The following MAGI2 variants were observed in gnomAD, a reference collection of about 807,000 sequenced individuals.
The protein encoded by MAGI2 is membrane associated guanylate kinase, WW and PDZ domain containing 2, also known as membrane-associated guanylate kinase, WW and PDZ domain-containing protein 2.
In MAGI2, 35 loss-of-function variants were observed where a neutral mutation model predicts 133.3. The observed-to-expected ratio is 0.26, with a 90% CI of 0.20 to 0.35. The LOEUF (loss-of-function observed/expected upper bound fraction) is 0.35. MAGI2 is among the 10% of genes least tolerant of loss of function. The probability of loss-of-function intolerance (pLI) is 1.00; values close to 1 mark genes in which losing one functional copy is unlikely to be tolerated. For missense variants in MAGI2, 1,636 were observed against 1,863.4 expected (o/e 0.88, Z 2.25); for synonymous variants, 729 against 710.6 (o/e 1.03, Z -0.41).
At chr7:79,214,671 A>C (rs1241819828) in intron 1 of MAGI2, among the ~76,000 whole-genome samples, 1 of 140,304 alleles carries the variant, frequency 7.1e-6, no homozygotes, top group Non-Finnish European at 1.5e-5. Flanking sequence ...ATAATTATGA[A>C]ATATAAATAT....
chr7:78,698,325 C>T (rs1053798643), intron 2 of MAGI2, among the ~76,000 whole-genome samples: 4 of 152,120 alleles, frequency 2.6e-5, no homozygotes, highest in African/African-American at 9.7e-5. Flanking sequence ...CATTATGCCA[C>T]AAGTGGAAAG....
chr7:78,284,440 G>GTTTTC lies in MAGI2; in HGVS notation c.1409-27864_1409-27860dup, dbSNP rs1391128203. ...GGTGTTTGGGCTGAGGAAAGGGGAG[G>GTTTTC]TTTTCTTTTCTTTTTTTTTTTTTTT... On this transcript the variant is annotated intron_variant, in intron 9 of 21. Transcript: ENST00000354212. Among the ~76,000 whole-genome samples, 19 of 129,462 alleles carry GTTTTC rather than the reference G, an allele frequency of 1.5e-4. No individual in the cohort carries two copies. The East Asian group carries it at 4.3e-3, about 30-fold the overall frequency. The allele number at this position is 129,462 out of a possible 152,430, so 84.9% of individuals were successfully genotyped here.
chr7:78,366,339 C>T (rs1413622799), intron 7 of MAGI2, among the ~76,000 whole-genome samples: 3 of 151,652 alleles, frequency 2.0e-5, no homozygotes, highest in Non-Finnish European at 2.9e-5. Flanking sequence ...ATACATATAC[C>T]GAAAATGTGG....
chr7:78,942,058 A>G (rs778599084), intron 2 of MAGI2, among the ~76,000 whole-genome samples: 2 of 152,154 alleles, frequency 1.3e-5, no homozygotes, highest in African/African-American at 2.4e-5. Context: ...GCAGATCAAT[A>G]TACCATATGT....
intron 5 of MAGI2, among the ~76,000 whole-genome samples, chr7:78,493,320 A>AT (rs1410569444): frequency 2.0e-5 from 3 of 152,210 alleles, no homozygotes; most frequent in African/African-American, 7.2e-5. Flanking sequence ...TTCTTCTCAC[A>AT]TAGAACATGC....
chr7:78,592,930 G>A (rs565505892), intron 3 of MAGI2, among the ~76,000 whole-genome samples: 1 of 143,334 alleles, frequency 7.0e-6, no homozygotes, highest in African/African-American at 2.7e-5. Context: ...CACCTCCCGA[G>A]CTCAAGCAAT....
chr7:79,354,664 C>G (rs1451268052), intron 1 of MAGI2, among the ~76,000 whole-genome samples: 1 of 152,182 alleles, frequency 6.6e-6, no homozygotes, highest in Non-Finnish European at 1.5e-5. Flanking sequence ...GAAACTCCCT[C>G]CAAATTCCTT....
chr7:79,408,351 TA>T (rs1458081349), intron 1 of MAGI2, among the ~76,000 whole-genome samples: 1 of 152,022 alleles, frequency 6.6e-6, no homozygotes, highest in East Asian at 1.9e-4. Flanking sequence ...ATAACATCAC[TA>T]AAATATAGGA....
intron 10 of MAGI2, among the ~76,000 whole-genome samples, chr7:78,238,778 T>A (rs868694290): frequency 6.6e-6 from 1 of 152,232 alleles, no homozygotes; most frequent in Middle Eastern, 3.4e-3. Context: ...CACGAGCCTT[T>A]AAAAATGTTA....
chr7:78,605,657 G>C (rs1432070808), intron 3 of MAGI2, among the ~76,000 whole-genome samples: 2 of 152,182 alleles, frequency 1.3e-5, no homozygotes, highest in Non-Finnish European at 2.9e-5. Context: ...AGTCTGTTTG[G>C]AGATGAATGG....
At chr7:78,966,460 C>A (rs538812504) in intron 2 of MAGI2, among the ~76,000 whole-genome samples, 1 of 152,180 alleles carries the variant, frequency 6.6e-6, no homozygotes, top group Non-Finnish European at 1.5e-5. Flanking sequence ...TTTCATTTAG[C>A]ATAATATCCT....
chr7:78,070,606 G>GTATA (rs200495407), intron 21 of MAGI2, among the ~76,000 whole-genome samples: 2 of 49,056 alleles, frequency 4.1e-5, no homozygotes, highest in African/African-American at 8.6e-5. Flanking sequence ...GTATATATGT[G>GTATA]TATATATATA....
intron 6 of MAGI2, among the ~76,000 whole-genome samples, chr7:78,389,559 C>G (rs1430129130): frequency 6.6e-6 from 1 of 152,154 alleles, no homozygotes; most frequent in African/African-American, 2.4e-5. Flanking sequence ...GTACCTTTCT[C>G]AGAAGAGCAA....
At chr7:79,283,682 A>G (rs1835805660) in intron 1 of MAGI2, among the ~76,000 whole-genome samples, 1 of 152,150 alleles carries the variant, frequency 6.6e-6, no homozygotes, top group Non-Finnish European at 1.5e-5. Context: ...TTAAACATAT[A>G]CATAAAGAAA....
At position 78,746,286 on chromosome 7, in the gene MAGI2, T is replaced by C. The variant is rs540140378; in HGVS notation, c.419-119047A>G. On this transcript the variant is annotated intron_variant, in intron 2 of 21. Coordinates refer to ENST00000354212, the MANE Select transcript of MAGI2 (RefSeq NM_012301.4). ...AATGATGAAGCTCAAAAGATTAGCA[T>C]ACAAACCAAAAGAGCAGTAATACTA... Among the ~76,000 whole-genome samples, 12 of 152,332 alleles carry C rather than the reference T, an allele frequency of 7.9e-5. 1 individual carries two copies. In the South Asian group the frequency reaches 2.5e-3, roughly 32 times the overall value.
intron 1 of MAGI2, among the ~76,000 whole-genome samples, chr7:79,112,700 T>C (rs1819030290): frequency 6.9e-6 from 1 of 145,378 alleles, no homozygotes; most frequent in African/African-American, 2.8e-5. Context: ...TTAAATGCCA[T>C]TTTTTTTGTA....
rs1351966631 is a variant in MAGI2, at chr7:78,019,295, G to C, written c.*20C>G. On this transcript the variant is annotated 3_prime_UTR_variant, in exon 22 of 22. Coordinates refer to ENST00000354212, the MANE Select transcript of MAGI2 (RefSeq NM_012301.4). ...GAACTGCCTGCGCCGGGGCGGGCGG[G>C]TTGGCCGTGGCCGCGCGGCTCATCT... 6.4e-7 allele frequency: 1 copy of C among 1,573,230 alleles called. No homozygotes were observed. Among genetic ancestry groups the C allele is most frequent in the Non-Finnish European group, 8.6e-7 (1 of 1,169,194 alleles).
chr7:78,580,075 CT>C (rs954289242), intron 3 of MAGI2, among the ~76,000 whole-genome samples: 2 of 151,724 alleles, frequency 1.3e-5, no homozygotes, highest in East Asian at 2.0e-4. Flanking sequence ...TTTGAAGTAA[CT>C]TTTTTTATAA....
intron 1 of MAGI2, among the ~76,000 whole-genome samples, chr7:79,275,848 A>G (rs1004568137): frequency 6.6e-6 from 1 of 152,190 alleles, no homozygotes; most frequent in Non-Finnish European, 1.5e-5. Context: ...AACAAGGCCT[A>G]GATGACAGCA....
Sources: allele counts gnomAD v4.1 joint callset (sites outside exome capture counted in the v4.1 genomes callset), GRCh38; gene constraint gnomAD v4.1.1; transcripts MANE v1.5; gene names NCBI Gene and HGNC (gene_info 2026-07-23, HGNC 2026-07-21).